Variants in ZBTB25 observed in about 807,000 individuals in gnomAD.
The protein encoded by ZBTB25 is zinc finger and BTB domain-containing protein 25.
ZBTB25 carries 20 observed loss-of-function variants against 34.2 expected under a neutral mutation model. The observed-to-expected ratio is 0.58, with a 90% CI of 0.41 to 0.85. The LOEUF is 0.85. ZBTB25 is among the 40% of genes least tolerant of loss of function. The probability of loss-of-function intolerance (pLI) is 0.00; values close to 1 mark genes in which losing one functional copy is unlikely to be tolerated. For missense variants in ZBTB25, 437 were observed against 521.8 expected (o/e 0.84, Z 1.58); for synonymous variants, 175 against 186.4 (o/e 0.94, Z 0.50).
Position 64,487,684 on chromosome 14 carries a change from G to C in ZBTB25, c.547C>G (p.Gln183Glu). ...TGGGTGGCAGGACAGGCCCTCTGCT[G>C]GTCTGCAGTGCCATCATCCAGACCA... Reference protein sequence around the residue: ...AIGLDDGTADQQRACPATQAL... With the variant: ...AIGLDDGTADEQRACPATQAL... Residue 183 changes from glutamine (Q) to glutamate (E), a missense_variant, in exon 3 of 3, where the codon CAG becomes GAG. Physicochemically the swap from Gln to Glu is conservative, Grantham distance 29. Transcript: ENST00000608382. The C allele has an allele frequency of 6.2e-7, 1 of 1,610,028 alleles. No homozygotes were observed. Among genetic ancestry groups the C allele is most frequent in the African/African-American group, 1.3e-5 (1 of 74,872 alleles).
chr14:64,491,385 A>T (rs2079071967), intron 1 of ZBTB25, among the ~76,000 whole-genome samples: 1 of 152,132 alleles, frequency 6.6e-6, no homozygotes, highest in East Asian at 1.9e-4. Context: ...AGGATCACTT[A>T]AGACTGGGAG....
upstream of ZBTB25, chr14:64,504,702 T>C (rs1007562578): frequency 2.7e-6 from 1 of 367,470 alleles, no homozygotes; most frequent in Admixed American, 4.6e-5. Flanking sequence ...AGACCCGGAG[T>C]CGCCGCGTAA....
chr14:64,497,229 T>C (rs1353356700), intron 1 of ZBTB25, among the ~76,000 whole-genome samples: 1 of 152,166 alleles, frequency 6.6e-6, no homozygotes, highest in Admixed American at 6.5e-5. Flanking sequence ...TAGGAGATCT[T>C]TGATGTTGTA....
chr14:64,483,752 G>A lies in ZBTB25; in HGVS notation c.*3171C>T, dbSNP rs928903672. On this transcript the variant is annotated 3_prime_UTR_variant, in exon 3 of 3. Transcript: ENST00000608382. ...TGAGGCAGGCAGATCATGAGGTCAG[G>A]AGCTCGAGACCATCCTGGCCAACAT... is the stretch of plus-strand genomic sequence containing the variant. 2 of 151,946 alleles carry A rather than the reference G, an allele frequency of 1.3e-5. No homozygotes were observed. The highest frequency in any genetic ancestry group is 2.4e-5 in the African/African-American group (1 of 41,326). 9.4% of individuals were successfully genotyped at this position (151,946 alleles called of 1,614,324 possible).
At chr14:64,469,669 T>G (rs367863068) in intron 2 of ZBTB25, 4 of 1,575,410 alleles carry the variant, frequency 2.5e-6, no homozygotes, top group Non-Finnish European at 3.4e-6. Context: ...TAAACAATCT[T>G]CTACAGTGAC....
Position 64,487,552 on chromosome 14 carries a change from C to A in ZBTB25, c.679G>T (p.Gly227Cys), listed in dbSNP as rs777108788. 5 of 1,610,592 alleles carry A rather than the reference C, an allele frequency of 3.1e-6. No homozygotes were observed. The South Asian group carries it at 5.5e-5, about 18-fold the overall frequency. The change falls in exon 3 of 3, where the codon GGC becomes TGC. Residue 227 changes from glycine (G) to cysteine (C), a missense_variant. Coordinates refer to ENST00000608382, the MANE Select transcript of ZBTB25 (RefSeq NM_006977.5). The part of the protein sequence containing the change: ...SHPSPSSEVT[G>C]PTFTENSVKI... Reference sequence around the variant, plus strand: ...ACACTGTTTTCAGTAAAAGTGGGGCCTGTCACCTCTGATGAGGGTGAGGGG... The same window carrying A: ...ACACTGTTTTCAGTAAAAGTGGGGCATGTCACCTCTGATGAGGGTGAGGGG...
chr14:64,457,634 T>C (rs1027993483), intron 2 of ZBTB25, among the ~76,000 whole-genome samples: 2 of 151,808 alleles, frequency 1.3e-5, no homozygotes, highest in African/African-American at 2.4e-5. Flanking sequence ...TTTTGTATTT[T>C]TAGTAGAGAT....
At chr14:64,496,194 A>C (rs554892130) in intron 1 of ZBTB25, among the ~76,000 whole-genome samples, 2 of 152,258 alleles carry the variant, frequency 1.3e-5, no homozygotes, top group African/African-American at 4.8e-5. Context: ...CACTCTAAAA[A>C]GTATTACAGA....
At chr14:64,465,544 C>A (rs1164320953) in intron 2 of ZBTB25, 1 of 152,118 alleles carries the variant, frequency 6.6e-6, no homozygotes, top group Non-Finnish European at 1.5e-5. Context: ...CCCTGGAGGC[C>A]TGGGCGGCGG....
chr14:64,501,944 G>A (rs999198642), intron 1 of ZBTB25, among the ~76,000 whole-genome samples: 3 of 152,174 alleles, frequency 2.0e-5, no homozygotes, highest in Non-Finnish European at 4.4e-5. Flanking sequence ...TTCCCTTCCC[G>A]GCTGAAACAG....
downstream of ZBTB25, among the ~76,000 whole-genome samples, chr14:64,476,153 T>C (rs2141009518): frequency 6.6e-6 from 1 of 152,220 alleles, no homozygotes; most frequent in East Asian, 1.9e-4. Flanking sequence ...ACAAGTGGGT[T>C]TCTGTACCAC....
chr14:64,504,487 C>T (rs1012817334), upstream of ZBTB25: 3 of 159,104 alleles, frequency 1.9e-5, no homozygotes, highest in East Asian at 5.4e-4. Context: ...CCAAGCCTAC[C>T]CTTGAGAGGG....
chr14:64,452,545 GAGGCCC>G (rs2078390985), intron 2 of ZBTB25, among the ~76,000 whole-genome samples: 1 of 152,194 alleles, frequency 6.6e-6, no homozygotes, highest in African/African-American at 2.4e-5. Context: ...CCATGGGACT[GAGGCCC>G]TCACCAGTTA....
intron 1 of ZBTB25, among the ~76,000 whole-genome samples, chr14:64,494,577 G>C (rs1025688440): frequency 6.6e-6 from 1 of 152,052 alleles, no homozygotes; most frequent in African/African-American, 2.4e-5. Flanking sequence ...AGGTTGCAGT[G>C]AGCTGAGATC....
intron 2 of ZBTB25, among the ~76,000 whole-genome samples, chr14:64,456,532 A>G (rs1351940325): frequency 6.6e-6 from 1 of 152,180 alleles, no homozygotes; most frequent in African/African-American, 2.4e-5. Flanking sequence ...AATATCAAAA[A>G]TCCTACTCAT....
In ZBTB25 at chr14:64,498,083, T is replaced by C. The variant is rs535438638; in HGVS notation, c.-8+5578A>G. On this transcript the variant is annotated intron_variant, in intron 1 of 2. Coordinates refer to ENST00000608382, the MANE Select transcript of ZBTB25 (RefSeq NM_006977.5). ...AAGTGCCATATGATAAAAGACTTTATATAGCGACTAACTTTTTAATGGAAC... is the reference window on the plus strand; with the variant it reads ...AAGTGCCATATGATAAAAGACTTTACATAGCGACTAACTTTTTAATGGAAC... Among the ~76,000 whole-genome samples, 11 of 152,340 alleles carry C rather than the reference T, an allele frequency of 7.2e-5. No individual in the cohort carries two copies. The South Asian group carries it at 2.1e-3, about 29-fold the overall frequency.
At chr14:64,449,595 C>G (rs1158045122) in exon 3 of ZBTB25, 2 of 1,614,168 alleles carry the variant, frequency 1.2e-6, no homozygotes, top group African/African-American at 2.7e-5. Flanking sequence ...AAGCACCCAG[C>G]AGCTTCCAGC....
At chr14:64,474,020 C>T (rs1364988440), downstream of ZBTB25, 1 of 167,054 alleles carries the variant, frequency 6.0e-6, no homozygotes, top group African/African-American at 2.4e-5. Flanking sequence ...AGGCATAACT[C>T]ATACCTAACA....
intron 2 of ZBTB25, chr14:64,461,224 T>G (rs1566582937): frequency 6.6e-6 from 1 of 152,112 alleles, no homozygotes; most frequent in Non-Finnish European, 1.5e-5. Flanking sequence ...GACCTTGGTT[T>G]TATTATTTTT....
Sources: allele counts gnomAD v4.1 joint callset (sites outside exome capture counted in the v4.1 genomes callset), GRCh38; gene constraint gnomAD v4.1.1; transcripts MANE v1.5; gene names NCBI Gene and HGNC (gene_info 2026-07-23, HGNC 2026-07-21).